MACROD2: variants seen among roughly 807,000 people sequenced by gnomAD.
MACROD2 encodes mono-ADP ribosylhydrolase 2, also known as ADP-ribose glycohydrolase MACROD2.
Under a neutral mutation model 70.4 loss-of-function variants are expected in MACROD2, and 36 were observed. The ratio of observed to expected loss-of-function variants is 0.51; its 90% CI spans 0.39 to 0.68. The LOEUF (loss-of-function observed/expected upper bound fraction) is 0.68. Among genes scored for constraint, MACROD2 ranks in the 30% least tolerant of loss-of-function variants. The pLI is 0.00. For missense variants in MACROD2, 496 were observed against 538.4 expected (o/e 0.92, Z 0.78); for synonymous variants, 172 against 178.8 (o/e 0.96, Z 0.30).
At chr20:14,724,441 G>C (rs1203394313) in intron 5 of MACROD2, among the ~76,000 whole-genome samples, 1 of 152,126 alleles carries the variant, frequency 6.6e-6, no homozygotes, top group Non-Finnish European at 1.5e-5. Context: ...TGCCCCATAA[G>C]AGAAAATTCC....
chr20:14,165,102 T>C (rs759997731), intron 3 of MACROD2, among the ~76,000 whole-genome samples: 83 of 152,138 alleles, frequency 5.5e-4, no homozygotes, highest in Non-Finnish European at 9.1e-4. Flanking sequence ...CAGGGAATGA[T>C]GCAGTCTGAT....
intron 5 of MACROD2, among the ~76,000 whole-genome samples, chr20:14,961,170 T>C (rs1165441002): frequency 2.0e-5 from 3 of 152,168 alleles, no homozygotes; most frequent in Non-Finnish European, 4.4e-5. Flanking sequence ...TTGCAAAAAA[T>C]ATTAATAGCT....
intron 3 of MACROD2, among the ~76,000 whole-genome samples, chr20:14,103,931 G>T (rs2054333077): frequency 6.6e-6 from 1 of 152,016 alleles, no homozygotes; most frequent in African/African-American, 2.4e-5. Flanking sequence ...TATTCCCTTG[G>T]AGGACATTCC....
At chr20:14,204,840 T>C (rs1253544386) in intron 3 of MACROD2, among the ~76,000 whole-genome samples, 1 of 152,100 alleles carries the variant, frequency 6.6e-6, no homozygotes, top group African/African-American at 2.4e-5. Flanking sequence ...GAACTTCTAG[T>C]CAGCCTCTTG....
At chr20:15,023,621 C>T (rs1202377158) in intron 5 of MACROD2, among the ~76,000 whole-genome samples, 1 of 152,164 alleles carries the variant, frequency 6.6e-6, no homozygotes, top group Admixed American at 6.5e-5. Flanking sequence ...AAAGGCATGT[C>T]TTACATGGCG....
At chr20:15,798,857 C>A (rs1219986843) in intron 8 of MACROD2, among the ~76,000 whole-genome samples, 2 of 152,148 alleles carry the variant, frequency 1.3e-5, no homozygotes, top group Non-Finnish European at 2.9e-5. Context: ...AATACAACTG[C>A]TTTTCTATGG....
intron 8 of MACROD2, among the ~76,000 whole-genome samples, chr20:15,687,598 A>G (rs1442084203): frequency 6.6e-6 from 1 of 152,070 alleles, no homozygotes; most frequent in East Asian, 1.9e-4. Flanking sequence ...AAGCCTCCTC[A>G]GGTTGGCCAG....
At chr20:15,379,143 C>A (rs2045606654) in intron 6 of MACROD2, among the ~76,000 whole-genome samples, 1 of 152,060 alleles carries the variant, frequency 6.6e-6, no homozygotes, top group Non-Finnish European at 1.5e-5. Flanking sequence ...TTGGTTATAT[C>A]AAGAGGTATG....
intron 5 of MACROD2, among the ~76,000 whole-genome samples, chr20:14,896,879 A>G (rs2073836853): frequency 6.6e-6 from 1 of 152,194 alleles, no homozygotes; most frequent in Admixed American, 6.5e-5. Flanking sequence ...TAATTTGTCT[A>G]CAGTAACCAG....
At chr20:14,488,568 A>T (rs1007631187) in intron 3 of MACROD2, among the ~76,000 whole-genome samples, 24 of 152,130 alleles carry the variant, frequency 1.6e-4, no homozygotes, top group African/African-American at 5.8e-4. Flanking sequence ...CTTTGGATGC[A>T]ATTTTGGGGA....
intron 5 of MACROD2, among the ~76,000 whole-genome samples, chr20:15,121,380 A>G (rs1483581922): frequency 6.6e-6 from 1 of 151,868 alleles, no homozygotes; most frequent in African/African-American, 2.4e-5. Context: ...GGGCATGGTG[A>G]TGGATACCTG....
At chr20:15,162,245 A>C (rs930633671) in intron 5 of MACROD2, among the ~76,000 whole-genome samples, 1 of 152,070 alleles carries the variant, frequency 6.6e-6, no homozygotes, top group Non-Finnish European at 1.5e-5. Flanking sequence ...TAGGAGCAGA[A>C]AGAGGAGTGG....
chr20:14,688,784 C>T (rs996775291), intron 5 of MACROD2, among the ~76,000 whole-genome samples: 2 of 152,196 alleles, frequency 1.3e-5, no homozygotes, highest in African/African-American at 2.4e-5. Context: ...ATTTGTCTAT[C>T]TCAGTCAGTT....
At chr20:15,984,456 T>C (rs544973186) in intron 13 of MACROD2, among the ~76,000 whole-genome samples, 6 of 152,202 alleles carry the variant, frequency 3.9e-5, no homozygotes, top group Non-Finnish European at 8.8e-5. Context: ...TTTTAAATTA[T>C]ACAACATTTT....
At chr20:15,987,529 T>C (rs1291861064) in intron 15 of MACROD2, among the ~76,000 whole-genome samples, 2 of 152,184 alleles carry the variant, frequency 1.3e-5, no homozygotes, top group East Asian at 3.8e-4. Flanking sequence ...TTTGTATTGA[T>C]TTCATCTGTC....
chr20:14,881,221 A>G (rs1287436654), intron 5 of MACROD2, among the ~76,000 whole-genome samples: 1 of 150,954 alleles, frequency 6.6e-6, no homozygotes, highest in Non-Finnish European at 1.5e-5. Context: ...ACAGATCCAT[A>G]GGTTTTGGAG....
At chr20:14,080,825 C>T (rs1014905511) in intron 2 of MACROD2, among the ~76,000 whole-genome samples, 2 of 152,162 alleles carry the variant, frequency 1.3e-5, no homozygotes, top group South Asian at 4.1e-4. Context: ...TCCCCACCTT[C>T]CTCACTTGGC....
At chr20:15,805,430 A>G (rs1028370063) in intron 8 of MACROD2, among the ~76,000 whole-genome samples, 2 of 151,684 alleles carry the variant, frequency 1.3e-5, no homozygotes, top group African/African-American at 4.8e-5. Context: ...GCAGGTAAAG[A>G]GAGGTTGGAT....
chr20:14,988,793 G>A (rs1377931465), intron 5 of MACROD2, among the ~76,000 whole-genome samples: 1 of 152,030 alleles, frequency 6.6e-6, no homozygotes, highest in Non-Finnish European at 1.5e-5. Context: ...AATTTACTAC[G>A]GTGGGATGCT....
Sources: allele counts gnomAD v4.1 joint callset (sites outside exome capture counted in the v4.1 genomes callset), GRCh38; gene constraint gnomAD v4.1.1; transcripts MANE v1.5; gene names NCBI Gene and HGNC (gene_info 2026-07-23, HGNC 2026-07-21).